The following PNPLA8 variants were observed in gnomAD, a reference collection of about 807,000 sequenced individuals.
The protein encoded by PNPLA8 is calcium-independent phospholipase A2-gamma.
In PNPLA8, 39 loss-of-function variants were observed where a neutral mutation model predicts 76.9. The observed-to-expected ratio is 0.51, with a 90% CI of 0.39 to 0.66. PNPLA8 has a LOEUF of 0.66. Among genes scored for constraint, PNPLA8 ranks in the 30% least tolerant of loss-of-function variants. The pLI is 0.00. For missense variants in PNPLA8, 887 were observed against 918.0 expected (o/e 0.97, Z 0.44); for synonymous variants, 301 against 307.9 (o/e 0.98, Z 0.24).
At chr7:108,512,345 T>C (rs1276396006) in intron 4 of PNPLA8, among the ~76,000 whole-genome samples, 1 of 152,204 alleles carries the variant, frequency 6.6e-6, no homozygotes, top group Non-Finnish European at 1.5e-5. Flanking sequence ...TTCCCTACAA[T>C]GCTTTGTGCT....
At chr7:108,510,405 G>A (rs40871) in intron 4 of PNPLA8, 565,387 of 1,499,912 alleles carry the variant, frequency 0.38, 111,230 homozygotes, top group African/African-American at 0.48. Flanking sequence ...CACTATCACA[G>A]GGAATATAGG....
intron 4 of PNPLA8, chr7:108,511,027 T>C: frequency 8.6e-6 from 6 of 699,850 alleles, no homozygotes; most frequent in Non-Finnish European, 1.3e-5. Context: ...AAACAGTACC[T>C]GCTCTCAAAT....
In PNPLA8 at chr7:108,470,698, T is replaced by G. The variant is rs149107318; in HGVS notation, c.*1703A>C. The G allele has an allele frequency of 6.5e-3, 991 of 152,320 alleles. 12 individuals carry two copies. Among genetic ancestry groups the G allele is most frequent in the African/African-American group, 0.022 (934 of 41,568 alleles). The allele number at this position is 152,320 out of a possible 1,614,324, so 9.4% of individuals were successfully genotyped here. A position where few individuals can be genotyped will look rare whatever the true frequency, so the allele number is the denominator to read the frequency against. On this transcript the variant is annotated 3_prime_UTR_variant, in exon 11 of 11. Coordinates refer to ENST00000257694, the MANE Select transcript of PNPLA8 (RefSeq NM_001256007.3). ...GTTGCATGTTATTATGTATTATTTG[T>G]GGTCTGAAAGAACTATATTATCTTT... is the stretch of plus-strand genomic sequence containing the variant.
chr7:108,487,465 T>C (rs968747726), intron 9 of PNPLA8, among the ~76,000 whole-genome samples: 1 of 152,194 alleles, frequency 6.6e-6, no homozygotes, highest in Non-Finnish European at 1.5e-5. Flanking sequence ...CTTTTTATCA[T>C]GTTTGGAAAG....
chr7:108,526,887 TAAA>T (rs34383036), upstream of PNPLA8, among the ~76,000 whole-genome samples: 1 of 151,778 alleles, frequency 6.6e-6, no homozygotes, highest in African/African-American at 2.4e-5. Context: ...TTTCAAAGGT[TAAA>T]AAAAAAGTTT....
At chr7:108,522,024 G>T (rs1006807541) in intron 1 of PNPLA8, among the ~76,000 whole-genome samples, 1 of 152,104 alleles carries the variant, frequency 6.6e-6, no homozygotes, top group Admixed American at 6.6e-5. Flanking sequence ...GGCCGGGCGT[G>T]GTGGCTCACG....
upstream of PNPLA8, chr7:108,527,570 T>C (rs1225427963): frequency 6.6e-6 from 1 of 152,118 alleles, no homozygotes; most frequent in Non-Finnish European, 1.5e-5. Context: ...ACTATCACCA[T>C]GGGGGAGAGA....
At chr7:108,483,434 A>C (rs990910004) in intron 9 of PNPLA8, among the ~76,000 whole-genome samples, 1 of 152,158 alleles carries the variant, frequency 6.6e-6, no homozygotes, top group East Asian at 1.9e-4. Context: ...TTACTTCAAA[A>C]ACCTATTCAT....
chr7:108,480,147 G>A (rs938834654), intron 9 of PNPLA8, among the ~76,000 whole-genome samples: 2 of 152,030 alleles, frequency 1.3e-5, no homozygotes, highest in African/African-American at 4.8e-5. Context: ...CAGGAGAATC[G>A]CTTGAGTCCG....
chr7:108,478,501 C>G (rs1485967898), intron 10 of PNPLA8, among the ~76,000 whole-genome samples: 1 of 152,148 alleles, frequency 6.6e-6, no homozygotes, highest in Non-Finnish European at 1.5e-5. Flanking sequence ...AGTGATTCTC[C>G]TGCCTCAGCC....
At chr7:108,513,790 T>G (rs1302514175) in intron 4 of PNPLA8, among the ~76,000 whole-genome samples, 2 of 152,140 alleles carry the variant, frequency 1.3e-5, no homozygotes, top group African/African-American at 4.8e-5. Context: ...AACAACAGCC[T>G]CACATATGAA....
chr7:108,503,223 T>C (rs1862093396), intron 4 of PNPLA8, among the ~76,000 whole-genome samples: 1 of 152,190 alleles, frequency 6.6e-6, no homozygotes, highest in African/African-American at 2.4e-5. Context: ...CATCATATTG[T>C]TGATCACAGA....
rs763706074 is a variant in PNPLA8, at chr7:108,515,504, A to G, written c.-13T>C. ...GATTAATAGACATAACTTAAAAATC[A>G]TTTATTTTCTATGACATTCTCTCAC... is the stretch of plus-strand genomic sequence containing the variant. On this transcript the variant is annotated 5_prime_UTR_variant, in exon 3 of 11. An upstream start codon of the reference 5' UTR is lost. Transcript: ENST00000257694. 13 of 1,384,282 alleles carry G rather than the reference A, an allele frequency of 9.4e-6. No homozygotes were observed. The highest frequency in any genetic ancestry group is 1.2e-5 in the Non-Finnish European group (13 of 1,061,102). 85.7% of individuals were successfully genotyped at this position (1,384,282 alleles called of 1,614,324 possible).
intron 9 of PNPLA8, among the ~76,000 whole-genome samples, chr7:108,481,389 A>T (rs1052783498): frequency 6.6e-6 from 1 of 152,196 alleles, no homozygotes; most frequent in Non-Finnish European, 1.5e-5. Flanking sequence ...TGTCCGTATT[A>T]TTTTAACCAC....
chr7:108,510,870 C>G, intron 4 of PNPLA8: 1 of 1,593,832 alleles, frequency 6.3e-7, no homozygotes, highest in Non-Finnish European at 8.5e-7. Flanking sequence ...TTCAAATTGT[C>G]TTCTCCACGA....
chr7:108,521,581 T>C (rs1447746373), intron 1 of PNPLA8, 60 bp from the exon 2 acceptor site: 2 of 247,532 alleles, frequency 8.1e-6, no homozygotes, highest in Non-Finnish European at 1.3e-5. Flanking sequence ...AGAAGTGCCA[T>C]GAATTAAAAT....
intron 4 of PNPLA8, among the ~76,000 whole-genome samples, chr7:108,509,799 T>C (rs1862756892): frequency 6.9e-6 from 1 of 145,628 alleles, no homozygotes; most frequent in Admixed American, 6.9e-5. Flanking sequence ...AATGATAGAC[T>C]GGATTAAGAA....
chr7:108,526,102 G>C lies in PNPLA8; in HGVS notation c.-203C>G, dbSNP rs376574283. The C allele has an allele frequency of 1.0e-6, 1 of 985,626 alleles. No individual in the cohort carries two copies. Among genetic ancestry groups the C allele is most frequent in the African/African-American group, 1.7e-5 (1 of 57,372 alleles). 61.1% of individuals were successfully genotyped at this position (985,626 alleles called of 1,614,324 possible). A position where few individuals can be genotyped will look rare whatever the true frequency, so the allele number is the denominator to read the frequency against. ...CCCGGCAATGACGTCCACTCCAACCGGCCTGCATCAGCTGAGCTTCCAACA... is the reference window on the plus strand; with the variant it reads ...CCCGGCAATGACGTCCACTCCAACCCGCCTGCATCAGCTGAGCTTCCAACA... On this transcript the variant is annotated 5_prime_UTR_variant, in exon 1 of 11. Transcript: ENST00000257694.
chr7:108,496,887 T>C, intron 6 of PNPLA8, 132 bp from the exon 7 acceptor site: 1 of 680,806 alleles, frequency 1.5e-6, no homozygotes, highest in Non-Finnish European at 2.4e-6. Flanking sequence ...GACAAATGAC[T>C]TTCCTTCTCA....
Sources: gnomAD v4.1 joint callset for allele counts (sites outside exome capture counted in the v4.1 genomes callset) on GRCh38, gnomAD v4.1.1 for gene constraint, MANE v1.5 for transcripts, NCBI Gene and HGNC (gene_info 2026-07-23, HGNC 2026-07-21) for gene names.